The following HECW1 variants were observed in gnomAD, a reference collection of about 807,000 sequenced individuals.
HECW1 encodes the protein HECT, C2 and WW domain containing E3 ubiquitin protein ligase 1.
HECW1 carries 61 observed loss-of-function variants against 182.3 expected under a neutral mutation model. That is an observed-to-expected ratio of 0.33 (90% CI 0.27 to 0.41). The LOEUF (loss-of-function observed/expected upper bound fraction) is 0.41. HECW1 is among the 10% of genes least tolerant of loss of function. The pLI, the probability that HECW1 is intolerant of heterozygous loss-of-function variation, is 1.00. For missense variants in HECW1, 1,739 were observed against 2,108.9 expected, an observed-to-expected ratio of 0.82 and a Z score of 3.44; for synonymous variants, 859 against 832.6, an observed-to-expected ratio of 1.03 and a Z score of -0.55.
chr7:43,419,677 A>T (rs953298692), intron 8 of HECW1, among the ~76,000 whole-genome samples: 7 of 152,322 alleles, frequency 4.6e-5, no homozygotes, highest in Middle Eastern at 3.4e-3. Context: ...ATTTTCAACA[A>T]CTCCTACAAA....
At chr7:43,265,525 C>CA (rs764629189) in intron 3 of HECW1, among the ~76,000 whole-genome samples, 9 of 152,198 alleles carry the variant, frequency 5.9e-5, no homozygotes, top group Non-Finnish European at 1.2e-4. Context: ...TCTTGACCTA[C>CA]AAAAATGGCA....
At position 43,260,375 on chromosome 7, in the gene HECW1, G is replaced by A. The variant is rs547673035; in HGVS notation, c.27+16443G>A. Among the ~76,000 whole-genome samples, 22 of 152,236 alleles carry A rather than the reference G, an allele frequency of 1.4e-4. No homozygotes were observed. The East Asian group carries it at 1.5e-3, about 11-fold the overall frequency. On this transcript the variant is annotated intron_variant, in intron 3 of 29. Transcript: ENST00000395891. Reference sequence around the variant, plus strand: ...CCCATTGCAAAAGAAAACACTTCACGTGGAAAGACCGAAAAGTGGCAAGAT... The same window carrying A: ...CCCATTGCAAAAGAAAACACTTCACATGGAAAGACCGAAAAGTGGCAAGAT...
chr7:43,417,838 CT>C (rs2076063336), intron 8 of HECW1, among the ~76,000 whole-genome samples: 1 of 152,122 alleles, frequency 6.6e-6, no homozygotes, highest in East Asian at 1.9e-4. Flanking sequence ...TTCTCTTTGT[CT>C]TTGGTTTTCA....
chr7:43,156,538 A>G (rs192525917), intron 2 of HECW1, among the ~76,000 whole-genome samples: 44 of 152,322 alleles, frequency 2.9e-4, no homozygotes, highest in Admixed American at 1.6e-3. Context: ...ATGTGTATCT[A>G]TTTCTATGTT....
chr7:43,422,021 C>G (rs2076200563), intron 8 of HECW1, among the ~76,000 whole-genome samples: 1 of 152,156 alleles, frequency 6.6e-6, no homozygotes, highest in Non-Finnish European at 1.5e-5. Flanking sequence ...TATGTTTAAA[C>G]TAGGGCTCTG....
At chr7:43,180,586 G>A (rs1300232850) in intron 2 of HECW1, among the ~76,000 whole-genome samples, 2 of 152,016 alleles carry the variant, frequency 1.3e-5, no homozygotes, top group African/African-American at 4.8e-5. Context: ...TAGTAGAGAC[G>A]GGGTTTCACC....
intron 16 of HECW1, among the ~76,000 whole-genome samples, chr7:43,473,852 G>T (rs1274659034): frequency 6.6e-6 from 1 of 151,974 alleles, no homozygotes; most frequent in Non-Finnish European, 1.5e-5. Context: ...GTATGACAAA[G>T]CACACAAAAA....
rs1225955408 is a variant in HECW1, at chr7:43,243,755, G to T, written c.-31-120G>T. The T allele has an allele frequency of 6.5e-6, 5 of 774,228 alleles. No individual in the cohort carries two copies. Among genetic ancestry groups the T allele is most frequent in the African/African-American group, 3.4e-5 (2 of 59,188 alleles). The allele number at this position is 774,228 out of a possible 1,614,324, so 48.0% of individuals were successfully genotyped here. A position where few individuals can be genotyped will look rare whatever the true frequency, so the allele number is the denominator to read the frequency against. On this transcript the variant is annotated intron_variant, in intron 2 of 29. Coordinates refer to ENST00000395891, the MANE Select transcript of HECW1 (RefSeq NM_015052.5). This position sits in a 1 kb window ranked among gnomAD's most constrained non-coding sequence, Gnocchi z 4.0. The stretch of plus-strand genomic sequence containing the variant: ...GTGTGATTTTTCCTTTTGCACGTCG[G>T]TTGCCCAGGCCAGGTATCTTGGCGG...
chr7:43,174,643 T>C (rs761839033), intron 2 of HECW1, among the ~76,000 whole-genome samples: 2 of 152,204 alleles, frequency 1.3e-5, no homozygotes, highest in Non-Finnish European at 2.9e-5. Context: ...CACTCAATCT[T>C]AGTAGCTTTT....
intron 11 of HECW1, among the ~76,000 whole-genome samples, chr7:43,450,528 T>C (rs1248579762): frequency 6.6e-6 from 1 of 152,222 alleles, no homozygotes; most frequent in African/African-American, 2.4e-5. Context: ...TTGTGTTCCT[T>C]TCTGGTGCCA....
chr7:43,214,291 A>G (rs1310655217), intron 2 of HECW1, among the ~76,000 whole-genome samples: 1 of 152,122 alleles, frequency 6.6e-6, no homozygotes, highest in Non-Finnish European at 1.5e-5. Context: ...ATGTGAAAGG[A>G]GATTGTAACT....
intron 17 of HECW1, among the ~76,000 whole-genome samples, chr7:43,483,897 G>T (rs1406234714): frequency 6.6e-6 from 1 of 152,026 alleles, no homozygotes; most frequent in Non-Finnish European, 1.5e-5. Flanking sequence ...GAAGAGGAAG[G>T]GCTGTGGCAA....
chr7:43,272,889 A>G (rs1275161999), intron 3 of HECW1, among the ~76,000 whole-genome samples: 2 of 152,208 alleles, frequency 1.3e-5, no homozygotes, highest in African/African-American at 4.8e-5. Context: ...TCGCTGCACT[A>G]TTCACAATAG....
chr7:43,163,452 G>A (rs1790770879), intron 2 of HECW1, among the ~76,000 whole-genome samples: 1 of 152,154 alleles, frequency 6.6e-6, no homozygotes, highest in Non-Finnish European at 1.5e-5. Flanking sequence ...CGAAGACTGG[G>A]GAGATGGAGG....
chr7:43,560,627 C>G (rs549625581), intron 29 of HECW1, among the ~76,000 whole-genome samples: 2 of 152,130 alleles, frequency 1.3e-5, no homozygotes, highest in Non-Finnish European at 2.9e-5. Context: ...AATCTCCCCC[C>G]GTAACCTGAG....
At position 43,269,898 on chromosome 7, in the gene HECW1, T is replaced by A. The variant is rs575338034; in HGVS notation, c.27+25966T>A. 2.0e-4 allele frequency among the ~76,000 whole-genome samples: 31 copies of A among 152,280 alleles called. 1 individual carries two copies. The South Asian group carries it at 6.2e-3, about 31-fold the overall frequency. ...TGTGTAGAAGCTAGAAACCCTGCAATGCATGGGACAACCGCCATAACAAAG... is the reference window on the plus strand; with the variant it reads ...TGTGTAGAAGCTAGAAACCCTGCAAAGCATGGGACAACCGCCATAACAAAG... On this transcript the variant is annotated intron_variant, in intron 3 of 29. Coordinates refer to ENST00000395891, the MANE Select transcript of HECW1 (RefSeq NM_015052.5).
intron 13 of HECW1, among the ~76,000 whole-genome samples, chr7:43,459,878 A>G (rs1237081376): frequency 1.3e-5 from 2 of 152,152 alleles, no homozygotes; most frequent in African/African-American, 4.8e-5. Context: ...TTCAATTTCC[A>G]TATGCATGCA....
chr7:43,319,204 G>A (rs1270244452), intron 4 of HECW1, among the ~76,000 whole-genome samples: 1 of 151,570 alleles, frequency 6.6e-6, no homozygotes, highest in Admixed American at 6.6e-5. Flanking sequence ...TGGGTAACAC[G>A]GTGAAACCCC....
At chr7:43,248,702 C>CTTT (rs1799700167) in intron 3 of HECW1, 1 of 82,672 alleles carries the variant, frequency 1.2e-5, no homozygotes, top group African/African-American at 8.4e-5. Context: ...CCTTTTCCTC[C>CTTT]TCCTCCTCCT....
Sources: allele counts gnomAD v4.1 joint callset (sites outside exome capture counted in the v4.1 genomes callset), GRCh38; gene constraint gnomAD v4.1.1; non-coding constraint Gnocchi (gnomAD v3.1); transcripts MANE v1.5; gene names NCBI Gene and HGNC (gene_info 2026-07-23, HGNC 2026-07-21).